RAPGEF5: variants seen among roughly 807,000 people sequenced by gnomAD.
The protein encoded by RAPGEF5 is M-Ras-regulated GEF.
A neutral mutation model predicts 125.2 loss-of-function variants in RAPGEF5; 65 were observed. That is an observed-to-expected ratio of 0.52 (90% CI 0.43 to 0.64). RAPGEF5 has a LOEUF of 0.64. Ranked by LOEUF, RAPGEF5 falls within the 30% of genes least tolerant of loss-of-function variation. RAPGEF5 has a pLI of 0.00. For synonymous variants in RAPGEF5, 391 were observed against 385.9 expected (o/e 1.01, Z -0.16); for missense variants, 958 against 1,048.1 (o/e 0.91, Z 1.19).
At chr7:22,315,792 A>G (rs1319497135) in intron 2 of RAPGEF5, among the ~76,000 whole-genome samples, 1 of 151,872 alleles carries the variant, frequency 6.6e-6, no homozygotes. Flanking sequence ...TAAAACATCC[A>G]CTATTTTTTA....
chr7:22,249,022 G>T (rs1786550683), intron 7 of RAPGEF5, among the ~76,000 whole-genome samples: 1 of 152,146 alleles, frequency 6.6e-6, no homozygotes, highest in African/African-American at 2.4e-5. Flanking sequence ...TTCCTCAACT[G>T]ATTTTAATAA....
intron 7 of RAPGEF5, among the ~76,000 whole-genome samples, chr7:22,251,788 A>C (rs1309788552): frequency 6.6e-6 from 1 of 150,854 alleles, no homozygotes; most frequent in Non-Finnish European, 1.5e-5. Flanking sequence ...AAAAAAAAAA[A>C]AAAAAAAAAA....
chr7:22,289,683 CATTG>C (rs1782885378), intron 6 of RAPGEF5, among the ~76,000 whole-genome samples: 1 of 152,086 alleles, frequency 6.6e-6, no homozygotes, highest in Non-Finnish European at 1.5e-5. Flanking sequence ...TTTTTTACAC[CATTG>C]ATTATCATAT....
intron 6 of RAPGEF5, among the ~76,000 whole-genome samples, chr7:22,282,228 G>A (rs142827306): frequency 5.9e-5 from 9 of 151,856 alleles, no homozygotes; most frequent in Non-Finnish European, 8.8e-5. Context: ...CCTCTACATG[G>A]TAAGCTCCTT....
chr7:22,253,841 T>C (rs1042867646), intron 7 of RAPGEF5, among the ~76,000 whole-genome samples: 1 of 152,200 alleles, frequency 6.6e-6, no homozygotes, highest in African/African-American at 2.4e-5. Context: ...AAATATTAGC[T>C]ATGTATTTAC....
intron 7 of RAPGEF5, among the ~76,000 whole-genome samples, chr7:22,259,321 A>G (rs1222728942): frequency 6.6e-6 from 1 of 152,236 alleles, no homozygotes; most frequent in East Asian, 1.9e-4. Flanking sequence ...AAAAGGGCCT[A>G]CTAGAATGGC....
intron 5 of RAPGEF5, among the ~76,000 whole-genome samples, chr7:22,300,694 TCCC>T (rs1233121415): frequency 6.6e-6 from 1 of 152,122 alleles, no homozygotes; most frequent in African/African-American, 2.4e-5. Context: ...TCTCCTGGAT[TCCC>T]CTACACTCTC....
intron 7 of RAPGEF5, among the ~76,000 whole-genome samples, chr7:22,262,611 A>G (rs978787230): frequency 6.6e-6 from 1 of 152,214 alleles, no homozygotes; most frequent in African/African-American, 2.4e-5. Flanking sequence ...GCTCACATAT[A>G]CAAAAAACCC....
At chr7:22,229,888 C>T (rs1020743674) in intron 8 of RAPGEF5, among the ~76,000 whole-genome samples, 1 of 152,156 alleles carries the variant, frequency 6.6e-6, no homozygotes, top group African/African-American at 2.4e-5. Flanking sequence ...AATTATCAAT[C>T]TACTGGTTTC....
intron 3 of RAPGEF5, among the ~76,000 whole-genome samples, chr7:22,314,355 A>G (rs1253343504): frequency 6.6e-6 from 1 of 152,180 alleles, no homozygotes; most frequent in Admixed American, 6.5e-5. Context: ...TGTACATTTA[A>G]GATTTGCGCA....
intron 3 of RAPGEF5, among the ~76,000 whole-genome samples, chr7:22,310,326 G>GT (rs539821322): frequency 5.1e-4 from 78 of 152,198 alleles, no homozygotes; most frequent in African/African-American, 1.7e-3. Flanking sequence ...CTAAAATTTA[G>GT]TAAGTATATA....
At chr7:22,143,076 C>G (rs556122488) in intron 20 of RAPGEF5, among the ~76,000 whole-genome samples, 57 of 152,278 alleles carry the variant, frequency 3.7e-4, no homozygotes, top group African/African-American at 1.3e-3. Context: ...TATCATCTTA[C>G]TCCTTGGAAC....
At chr7:22,279,495 G>A (rs1249661638) in intron 6 of RAPGEF5, among the ~76,000 whole-genome samples, 1 of 152,150 alleles carries the variant, frequency 6.6e-6, no homozygotes, top group Non-Finnish European at 1.5e-5. Flanking sequence ...AATGAGATTT[G>A]TCCTGTGGTC....
At chr7:22,307,468 T>C (rs1288286941) in intron 5 of RAPGEF5, among the ~76,000 whole-genome samples, 2 of 152,186 alleles carry the variant, frequency 1.3e-5, no homozygotes, top group African/African-American at 2.4e-5. Flanking sequence ...TTTTTCTGTG[T>C]AGATAGTTGT....
At chr7:22,356,623 G>T (rs1247151123) in intron 1 of RAPGEF5, 2 of 206,144 alleles carry the variant, frequency 9.7e-6, no homozygotes, top group East Asian at 1.0e-4. Flanking sequence ...TGGTGGGGGG[G>T]AGGTGTGGGG....
intron 20 of RAPGEF5, among the ~76,000 whole-genome samples, chr7:22,144,323 T>C (rs879486838): frequency 1.3e-5 from 2 of 152,042 alleles, no homozygotes; most frequent in African/African-American, 4.8e-5. Context: ...ATATAATAAG[T>C]TTTCGGAAGG....
In RAPGEF5 at chr7:22,177,753, G is replaced by A. The variant is rs578203512; in HGVS notation, c.1205-10605C>T. ...TGAATAAAGAGAATAACCACCCAGG[G>A]CTCCTCAGCAAGATGATGTCTGAAG... is the stretch of plus-strand genomic sequence containing the variant. On this transcript the variant is annotated intron_variant, in intron 11 of 25. Coordinates refer to ENST00000665637, the MANE Select transcript of RAPGEF5 (RefSeq NM_012294.5). Among the ~76,000 whole-genome samples the A allele has an allele frequency of 5.3e-5, 8 of 152,304 alleles. No homozygotes were observed. In the East Asian group the frequency reaches 1.4e-3, roughly 26 times the overall value.
At chr7:22,191,550 G>A in intron 11 of RAPGEF5, 1 of 471,060 alleles carries the variant, frequency 2.1e-6, no homozygotes, top group Non-Finnish European at 4.4e-6. Flanking sequence ...CACTTAGGTT[G>A]GTGCTAGGAG....
chr7:22,148,428 C>T (rs1583412320), intron 18 of RAPGEF5, among the ~76,000 whole-genome samples: 5 of 152,212 alleles, frequency 3.3e-5, no homozygotes, highest in Admixed American at 3.3e-4. Flanking sequence ...TTTTCTATCT[C>T]ATTCCTTCAG....
Sources: allele counts gnomAD v4.1 joint callset (sites outside exome capture counted in the v4.1 genomes callset), GRCh38; gene constraint gnomAD v4.1.1; transcripts MANE v1.5; gene names NCBI Gene and HGNC (gene_info 2026-07-23, HGNC 2026-07-21).